CDH13: variants seen among roughly 807,000 people sequenced by gnomAD.
CDH13 encodes the protein cadherin 13.
In CDH13, 24 loss-of-function variants were observed where a neutral mutation model predicts 63.8. The ratio of observed to expected loss-of-function variants is 0.38; its 90% CI spans 0.27 to 0.53. CDH13 has a LOEUF of 0.53. Among genes scored for constraint, CDH13 ranks in the 20% least tolerant of loss-of-function variants. The probability of loss-of-function intolerance (pLI) is 0.85; values close to 1 mark genes in which losing one functional copy is unlikely to be tolerated. For missense variants in CDH13, 1,049 were observed against 903.1 expected (o/e 1.16, Z -2.07); for synonymous variants, 503 against 355.3 (o/e 1.42, Z -4.67).
intron 9 of CDH13, among the ~76,000 whole-genome samples, chr16:83,675,868 T>C (rs556153844): frequency 6.6e-6 from 1 of 152,330 alleles, no homozygotes; most frequent in East Asian, 1.9e-4. Flanking sequence ...AGTCTAGTGC[T>C]AGAGAAAAGC....
chr16:83,162,847 G>A (rs1235866693), intron 4 of CDH13, among the ~76,000 whole-genome samples: 1 of 152,104 alleles, frequency 6.6e-6, no homozygotes. Context: ...TGTTATAGCT[G>A]GATTGGGGAC....
intron 7 of CDH13, among the ~76,000 whole-genome samples, chr16:83,524,807 A>T (rs944859047): frequency 2.0e-5 from 3 of 152,104 alleles, no homozygotes; most frequent in African/African-American, 7.2e-5. Context: ...GCAAACCTGT[A>T]GCACTGAGAG....
chr16:83,530,431 C>G (rs896178961), intron 7 of CDH13, among the ~76,000 whole-genome samples: 2 of 152,152 alleles, frequency 1.3e-5, no homozygotes, highest in African/African-American at 4.8e-5. Context: ...GTCACGGAAT[C>G]AGGACCCCAG....
At chr16:83,565,717 T>A (rs1287649791) in intron 7 of CDH13, among the ~76,000 whole-genome samples, 1 of 152,198 alleles carries the variant, frequency 6.6e-6, no homozygotes, top group Non-Finnish European at 1.5e-5. Flanking sequence ...CTTTTCAGGC[T>A]TATGACTTTT....
intron 1 of CDH13, among the ~76,000 whole-genome samples, chr16:82,852,956 G>C (rs1237808658): frequency 6.6e-6 from 1 of 152,044 alleles, no homozygotes; most frequent in East Asian, 1.9e-4. Context: ...TCTTGAATCA[G>C]TACCTGTCAG....
chr16:83,461,307 G>T (rs937015494), intron 6 of CDH13, among the ~76,000 whole-genome samples: 1 of 151,892 alleles, frequency 6.6e-6, no homozygotes, highest in Admixed American at 6.6e-5. Flanking sequence ...ACATTTATCA[G>T]GCATGAATCT....
At position 83,353,606 on chromosome 16, in the gene CDH13, C is replaced by G. The variant is rs767183989; in HGVS notation, c.781+8600C>G. Among the ~76,000 whole-genome samples the G allele has an allele frequency of 1.1e-3, 170 of 152,226 alleles. 1 individual carries two copies. Among genetic ancestry groups the G allele is most frequent in the Admixed American group, 2.4e-3 (37 of 15,286 alleles). On this transcript the variant is annotated intron_variant, in intron 6 of 13. Transcript: ENST00000567109. ...ACTCTTTTCATTTTTATTTATAGCT[C>G]TCTCTCCCCCTAAATTCACACATGC...
intron 7 of CDH13, among the ~76,000 whole-genome samples, chr16:83,545,202 T>G (rs1026067181): frequency 6.6e-6 from 1 of 152,196 alleles, no homozygotes; most frequent in African/African-American, 2.4e-5. Flanking sequence ...GACCCTTGGG[T>G]GGGAAGGTGT....
At chr16:82,914,912 G>A (rs2041939621) in intron 2 of CDH13, among the ~76,000 whole-genome samples, 1 of 152,302 alleles carries the variant, frequency 6.6e-6, no homozygotes, top group Non-Finnish European at 1.5e-5. Context: ...TGAGTATCAG[G>A]AAGTCTGATT....
intron 11 of CDH13, among the ~76,000 whole-genome samples, chr16:83,755,726 A>G (rs1217728330): frequency 6.7e-6 from 1 of 148,682 alleles, no homozygotes; most frequent in African/African-American, 2.5e-5. Context: ...CTTCAAAATC[A>G]AGGTGAATTA....
rs571565652 is a variant in CDH13, at chr16:83,215,073, C to CTTTTTTTTTTTTTTTTTTTTTTTT, written c.484-2251_484-2250insTTTTTTTTTTTTTTTTTTTTTTTT. On this transcript the variant is annotated intron_variant, in intron 4 of 13. Coordinates refer to ENST00000567109, the MANE Select transcript of CDH13 (RefSeq NM_001257.5). ...TTTCATCAGAGAGTATCAAACACCTCTTTTTTTTTTTTTTTTTTTTTGAGA... is the reference window on the plus strand; with the variant it reads ...TTTCATCAGAGAGTATCAAACACCTCTTTTTTTTTTTTTTTTTTTTTTTTTTTTTTTTTTTTTTTTTTTTTGAGA... 5.3e-4 allele frequency among the ~76,000 whole-genome samples: 30 copies of CTTTTTTTTTTTTTTTTTTTTTTTT among 56,240 alleles called. 11 individuals carry two copies. Among genetic ancestry groups the CTTTTTTTTTTTTTTTTTTTTTTTT allele is most frequent in the African/African-American group, 2.0e-3 (28 of 13,910 alleles). 36.9% of individuals were successfully genotyped at this position (56,240 alleles called of 152,430 possible).
intron 10 of CDH13, among the ~76,000 whole-genome samples, chr16:83,739,202 CT>C (rs958432329): frequency 6.6e-6 from 1 of 151,978 alleles, no homozygotes; most frequent in Non-Finnish European, 1.5e-5. Flanking sequence ...TGTTTTCCCC[CT>C]GGGAGTCAAG....
At chr16:83,332,084 T>C (rs2151904438) in intron 5 of CDH13, among the ~76,000 whole-genome samples, 1 of 152,290 alleles carries the variant, frequency 6.6e-6, no homozygotes, top group East Asian at 1.9e-4. Flanking sequence ...TGTCAAACAC[T>C]ATGAACTTTT....
chr16:83,144,099 G>A (rs149621866), intron 4 of CDH13, among the ~76,000 whole-genome samples: 4 of 152,188 alleles, frequency 2.6e-5, no homozygotes, highest in Non-Finnish European at 4.4e-5. Flanking sequence ...AAATGAAATC[G>A]CCTGATTGGT....
chr16:83,700,851 G>C (rs966726330), intron 10 of CDH13, among the ~76,000 whole-genome samples: 5 of 152,146 alleles, frequency 3.3e-5, no homozygotes, highest in Admixed American at 2.0e-4. Context: ...AACGGGCCAC[G>C]GGAACTACTA....
chr16:82,821,224 C>A (rs977527306), intron 1 of CDH13, among the ~76,000 whole-genome samples: 1 of 152,174 alleles, frequency 6.6e-6, no homozygotes, highest in African/African-American at 2.4e-5. Context: ...TTTAAATTCC[C>A]TATAGGACCA....
At chr16:83,484,112 G>C (rs1332593376) in intron 6 of CDH13, among the ~76,000 whole-genome samples, 3 of 152,186 alleles carry the variant, frequency 2.0e-5, no homozygotes, top group Non-Finnish European at 4.4e-5. Context: ...ATCCAACCTT[G>C]AGGGTGGCCA....
intron 5 of CDH13, among the ~76,000 whole-genome samples, chr16:83,255,234 G>A (rs967142129): frequency 1.3e-5 from 2 of 152,104 alleles, no homozygotes; most frequent in Non-Finnish European, 2.9e-5. Flanking sequence ...CTCCAGCATG[G>A]ACTATGTGGC....
At chr16:83,195,019 A>G (rs1014657828) in intron 4 of CDH13, among the ~76,000 whole-genome samples, 2 of 152,226 alleles carry the variant, frequency 1.3e-5, no homozygotes, top group Admixed American at 6.5e-5. Context: ...AGAAATAACC[A>G]TAAAACATTC....
Sources: allele counts gnomAD v4.1 joint callset (sites outside exome capture counted in the v4.1 genomes callset), GRCh38; gene constraint gnomAD v4.1.1; transcripts MANE v1.5; gene names NCBI Gene and HGNC (gene_info 2026-07-23, HGNC 2026-07-21).